The following CACNA2D3 variants were observed in gnomAD, a reference collection of about 807,000 sequenced individuals.
The protein encoded by CACNA2D3 is voltage-dependent calcium channel subunit alpha-2/delta-3.
In CACNA2D3, 60 loss-of-function variants were observed where a neutral mutation model predicts 160.6. The ratio of observed to expected loss-of-function variants is 0.37; its 90% CI spans 0.30 to 0.46. The LOEUF (loss-of-function observed/expected upper bound fraction) is 0.46. Among genes scored for constraint, CACNA2D3 ranks in the 20% least tolerant of loss-of-function variants. The pLI is 1.00. For synonymous variants in CACNA2D3, 558 were observed against 492.9 expected, an observed-to-expected ratio of 1.13 and a Z score of -1.75; for missense variants, 1,205 against 1,365.0, an observed-to-expected ratio of 0.88 and a Z score of 1.85.
At chr3:54,377,244 C>G (rs146186557) in intron 3 of CACNA2D3, among the ~76,000 whole-genome samples, 1 of 152,194 alleles carries the variant, frequency 6.6e-6, no homozygotes, top group African/African-American at 2.4e-5. Flanking sequence ...ACAGATTTTA[C>G]CTCTGGAACT....
intron 2 of CACNA2D3, among the ~76,000 whole-genome samples, chr3:54,241,188 A>C (rs1294186747): frequency 6.6e-6 from 1 of 152,188 alleles, no homozygotes; most frequent in Non-Finnish European, 1.5e-5. Context: ...CCAAACATTC[A>C]GTTTCTAAGA....
chr3:54,533,137 A>G (rs912443123), intron 5 of CACNA2D3, among the ~76,000 whole-genome samples: 1 of 152,108 alleles, frequency 6.6e-6, no homozygotes, highest in South Asian at 2.1e-4. Context: ...CTGTCTGTCT[A>G]AACCCTGTCT....
intron 31 of CACNA2D3, among the ~76,000 whole-genome samples, chr3:54,992,552 T>A (rs1417155964): frequency 6.6e-6 from 1 of 152,094 alleles, no homozygotes; most frequent in Non-Finnish European, 1.5e-5. Context: ...TTTCTCTGTT[T>A]CCTCTGTTCT....
chr3:54,138,865 C>G (rs1292861994), intron 2 of CACNA2D3, among the ~76,000 whole-genome samples: 1 of 152,230 alleles, frequency 6.6e-6, no homozygotes, highest in African/African-American at 2.4e-5. Flanking sequence ...TTAATTTTGT[C>G]TTGTTCCACC....
chr3:55,060,198 A>G (rs1704473038), intron 35 of CACNA2D3, among the ~76,000 whole-genome samples: 1 of 152,142 alleles, frequency 6.6e-6, no homozygotes. Flanking sequence ...AATCCAGATC[A>G]TACCTATTAA....
chr3:54,841,210 T>C lies in CACNA2D3; in HGVS notation c.1551+2562T>C, dbSNP rs74454111. 5.0e-3 allele frequency among the ~76,000 whole-genome samples: 764 copies of C among 152,372 alleles called. 8 individuals are homozygous for C. Among genetic ancestry groups the C allele is most frequent in the African/African-American group, 0.017 (688 of 41,592 alleles). ...ATGCATTATTCCTGTTGAATTCTTA[T>C]TACATTCCCATGAAGTGGGGACCCT... On this transcript the variant is annotated intron_variant, in intron 16 of 37. Transcript: ENST00000474759.
At chr3:54,941,498 G>A (rs1015184460) in intron 27 of CACNA2D3, among the ~76,000 whole-genome samples, 1 of 152,068 alleles carries the variant, frequency 6.6e-6, no homozygotes, top group African/African-American at 2.4e-5. Context: ...TCCATTCATT[G>A]TTCATCGTTT....
chr3:54,498,952 T>A (rs558124451), intron 4 of CACNA2D3, among the ~76,000 whole-genome samples: 20 of 152,212 alleles, frequency 1.3e-4, no homozygotes, highest in Non-Finnish European at 2.5e-4. Context: ...ATACATTGAT[T>A]TCTAAATTTA....
At chr3:54,289,059 G>T (rs1396010467) in intron 2 of CACNA2D3, among the ~76,000 whole-genome samples, 1 of 151,658 alleles carries the variant, frequency 6.6e-6, no homozygotes, top group African/African-American at 2.4e-5. Context: ...AGTGTTGGAA[G>T]TCCTGGCCAG....
At chr3:54,976,058 C>A (rs1053547877) in intron 29 of CACNA2D3, among the ~76,000 whole-genome samples, 1 of 49,888 alleles carries the variant, frequency 2.0e-5, no homozygotes, top group African/African-American at 8.9e-5. Context: ...GATATAGATA[C>A]ACACACACAC....
At position 54,376,278 on chromosome 3, in the gene CACNA2D3, G is replaced by A. The variant is rs1045313704; in HGVS notation, c.322-10437G>A. On this transcript the variant is annotated intron_variant, in intron 3 of 37. Transcript: ENST00000474759. ...ACCCTGGAGCCTTTGCTGCTCCTTC[G>A]CCGTCACCTCTCTCAGTCACCTGGC... Among the ~76,000 whole-genome samples, 13 of 152,140 alleles carry A rather than the reference G, an allele frequency of 8.5e-5. No homozygotes were observed. In the East Asian group the frequency reaches 1.9e-3, roughly 23 times the overall value.
intron 2 of CACNA2D3, among the ~76,000 whole-genome samples, chr3:54,171,171 A>ATTTTTTTTTTTTTTTTT (rs1700562171): frequency 1.4e-5 from 1 of 71,742 alleles, no homozygotes; most frequent in African/African-American, 4.6e-5. Context: ...GAATAGCTAG[A>ATTTTTTTTTTTTTTTTT]TGATCCGGGA....
intron 4 of CACNA2D3, among the ~76,000 whole-genome samples, chr3:54,388,327 A>G (rs1699224088): frequency 6.6e-6 from 1 of 152,242 alleles, no homozygotes; most frequent in African/African-American, 2.4e-5. Flanking sequence ...ATTTCTTGCC[A>G]GTACTCACCG....
At chr3:54,542,485 A>G (rs1191406303) in intron 5 of CACNA2D3, among the ~76,000 whole-genome samples, 1 of 152,198 alleles carries the variant, frequency 6.6e-6, no homozygotes, top group African/African-American at 2.4e-5. Flanking sequence ...AAACCTCACA[A>G]GTAGGGAAGC....
At chr3:54,193,650 C>T (rs1204505245) in intron 2 of CACNA2D3, among the ~76,000 whole-genome samples, 1 of 152,162 alleles carries the variant, frequency 6.6e-6, no homozygotes, top group Admixed American at 6.5e-5. Context: ...GGCAGCCTAT[C>T]CCTAGAGCTC....
At chr3:54,276,272 A>G (rs1702736962) in intron 2 of CACNA2D3, among the ~76,000 whole-genome samples, 2 of 152,176 alleles carry the variant, frequency 1.3e-5, no homozygotes, top group South Asian at 4.1e-4. Context: ...CAGTTTGATA[A>G]GAAAACGAAG....
At chr3:54,800,745 A>G (rs911418616) in intron 13 of CACNA2D3, among the ~76,000 whole-genome samples, 1 of 152,186 alleles carries the variant, frequency 6.6e-6, no homozygotes. Flanking sequence ...CTACTAGAAC[A>G]AAAACTCCAG....
At chr3:54,821,714 T>C (rs1559594995) in intron 14 of CACNA2D3, among the ~76,000 whole-genome samples, 6 of 140,084 alleles carry the variant, frequency 4.3e-5, no homozygotes, top group Admixed American at 2.9e-4. Flanking sequence ...CCTTCCTTCT[T>C]TCCTCTCTCT....
chr3:54,341,972 A>T (rs1360977787), intron 3 of CACNA2D3, among the ~76,000 whole-genome samples: 1 of 152,064 alleles, frequency 6.6e-6, no homozygotes, highest in East Asian at 1.9e-4. Context: ...GTACAAGTTT[A>T]TTTAATCTTC....
Sources: gnomAD v4.1 joint callset for allele counts (sites outside exome capture counted in the v4.1 genomes callset) on GRCh38, gnomAD v4.1.1 for gene constraint, MANE v1.5 for transcripts, NCBI Gene and HGNC (gene_info 2026-07-23, HGNC 2026-07-21) for gene names.